Variants in ZNF432 observed in about 807,000 individuals in gnomAD.
ZNF432 encodes the protein zinc finger protein 432.
Under a neutral mutation model 13.9 loss-of-function variants are expected in ZNF432, and 10 were observed. The ratio of observed to expected loss-of-function variants is 0.72; its 90% CI spans 0.44 to 1.22. ZNF432 has a LOEUF of 1.22. ZNF432 is among the 50% of genes most tolerant of loss of function. ZNF432 has a pLI of 0.00. For missense variants in ZNF432, 793 were observed against 796.2 expected (o/e 1.00, Z 0.05); for synonymous variants, 247 against 256.2 (o/e 0.96, Z 0.34).
At position 52,033,712 on chromosome 19, in the gene ZNF432, C is replaced by T. The variant is rs762874307; in HGVS notation, c.*8G>A. 8 of 1,564,776 alleles carry T rather than the reference C, an allele frequency of 5.1e-6. No homozygotes were observed. Among genetic ancestry groups the T allele is most frequent in the Non-Finnish European group, 6.9e-6 (8 of 1,159,398 alleles). ...CTTCCCAAAGGCATGAACATGTCCA[C>T]TGCATTGTCAGGGTTTGTTTCCATT... On this transcript the variant is annotated 3_prime_UTR_variant, in exon 5 of 5. Transcript: ENST00000221315.
At chr19:52,043,638 G>A (rs1375255795) in intron 2 of ZNF432, among the ~76,000 whole-genome samples, 6 of 152,138 alleles carry the variant, frequency 3.9e-5, no homozygotes, top group Admixed American at 6.5e-5. Context: ...TCTCCTGCCC[G>A]TCCCTGGGCA....
At position 52,034,340 on chromosome 19, in the gene ZNF432, G is replaced by A. The variant is rs766109527; in HGVS notation, c.1339C>T (p.His447Tyr). The change falls in exon 5 of 5, where the codon CAT becomes TAT. Residue 447 changes from histidine (H) to tyrosine (Y), a missense_variant. Coordinates refer to ENST00000221315, the MANE Select transcript of ZNF432 (RefSeq NM_014650.4). ...GFTVKSMLII[H>Y]QRTHTGEKPY... ...TTCTCTCCTGTATGAGTTCGCTGAT[G>A]TATGATGAGCATGCTTTTCACAGTA... 1.9e-5 allele frequency: 30 copies of A among 1,613,848 alleles called. No homozygotes were observed. The highest frequency in any genetic ancestry group is 2.2e-5 in the Non-Finnish European group (26 of 1,179,898).
chr19:52,040,617 TGG>T (rs1242045096), intron 3 of ZNF432, 34 bp from the exon 4 acceptor site: 1 of 1,557,824 alleles, frequency 6.4e-7, no homozygotes, highest in Non-Finnish European at 8.9e-7. Context: ...ACAGACACAC[TGG>T]ATTGGGCTGG....
In ZNF432 at chr19:52,034,881, A is replaced by G. The variant is rs2087060698; in HGVS notation, c.798T>C (p.Cys266=). 1.2e-6 allele frequency: 2 copies of G among 1,613,930 alleles called. No individual in the cohort carries two copies. The highest frequency in any genetic ancestry group is 1.7e-6 in the Non-Finnish European group (2 of 1,179,922). The change falls in exon 5 of 5, where the codon TGT becomes TGC. Residue 266 remains cysteine (C), a synonymous_variant. Transcript: ENST00000221315. ...KREKSFICSE[C]GKVFTMKSRL... The stretch of plus-strand genomic sequence containing the variant: ...GGCTCTTCATAGTGAAGACTTTTCC[A>G]CATTCACTGCATATAAAAGATTTCT...
chr19:52,041,912 T>C lies in ZNF432; in HGVS notation c.16-306A>G, dbSNP rs118188002. 3.7e-3 allele frequency among the ~76,000 whole-genome samples: 559 copies of C among 152,326 alleles called. 2 individuals are homozygous for C. Among genetic ancestry groups the C allele is most frequent in the Middle Eastern group, 0.014 (4 of 294 alleles). On this transcript the variant is annotated intron_variant, in intron 2 of 4. Transcript: ENST00000221315. ...TATATGCTACTGACATCTAGATATC[T>C]GATATAAATTGTTTCATTCACTGTT...
chr19:52,035,196 A>C lies in ZNF432; in HGVS notation c.483T>G (p.Asp161Glu). 1 of 1,612,646 alleles carries C rather than the reference A, an allele frequency of 6.2e-7. No homozygotes were observed. Among genetic ancestry groups the C allele is most frequent in the Admixed American group, 1.7e-5 (1 of 59,706 alleles). Residue 161 changes from aspartate to glutamate, a missense_variant, in exon 5 of 5, where the codon GAT (aspartate) becomes GAG (glutamate). By Grantham distance (45) the Asp-to-Glu change is conservative. Coordinates refer to ENST00000221315, the MANE Select transcript of ZNF432 (RefSeq NM_014650.4). ...EINNSTKFSGDGKSFLHGNYE... is the reference protein window; with the variant it reads ...EINNSTKFSGEGKSFLHGNYE... ...AGTTACCATGAAGAAATGATTTCCC[A>C]TCTCCACTAAATTTAGTAGAGTTGT...
intron 4 of ZNF432, among the ~76,000 whole-genome samples, chr19:52,035,984 T>C (rs2087077449): frequency 6.6e-6 from 1 of 152,216 alleles, no homozygotes; most frequent in South Asian, 2.1e-4. Context: ...GTTGACAATC[T>C]ATATCGATTT....
At chr19:52,047,761 C>A (rs943873174) in intron 1 of ZNF432, among the ~76,000 whole-genome samples, 13 of 150,856 alleles carry the variant, frequency 8.6e-5, no homozygotes, top group Non-Finnish European at 1.9e-4. Flanking sequence ...AAAAGGAATA[C>A]GAGTTATAAA....
Position 52,034,927 on chromosome 19 carries a change from T to A in ZNF432, c.752A>T (p.His251Leu). 2 of 1,612,888 alleles carry A rather than the reference T, an allele frequency of 1.2e-6. No homozygotes were observed. The highest frequency in any genetic ancestry group is 1.7e-6 in the Non-Finnish European group (2 of 1,179,618). ...TTTCTCTCTTTTATGAATTCTTTGATGTTCATTTAGCCTGGACTTTCTGGA... is the reference window on the plus strand; with the variant it reads ...TTTCTCTCTTTTATGAATTCTTTGAAGTTCATTTAGCCTGGACTTTCTGGA... The part of the protein sequence containing the change: ...VFSRKSRLNE[H>L]QRIHKREKSF... Residue 251 changes from histidine to leucine, a missense_variant, in exon 5 of 5, where the codon CAT (histidine) becomes CTT (leucine). His to Leu is a moderately conservative substitution (Grantham distance 99). Coordinates refer to ENST00000221315, the MANE Select transcript of ZNF432 (RefSeq NM_014650.4).
Position 52,033,676 on chromosome 19 carries a change from A to G in ZNF432, c.*44T>C. ...ACTGTGAAATCTCTGATGTTGTACA[A>G]GGCAGATTTTCTTCCCAAAGGCATG... On this transcript the variant is annotated 3_prime_UTR_variant, in exon 5 of 5. Coordinates refer to ENST00000221315, the MANE Select transcript of ZNF432 (RefSeq NM_014650.4). 6.5e-7 allele frequency: 1 copy of G among 1,529,754 alleles called. No homozygotes were observed. Among genetic ancestry groups the G allele is most frequent in the East Asian group, 2.3e-5 (1 of 44,330 alleles). The allele number at this position is 1,529,754 out of a possible 1,614,324, so 94.8% of individuals were successfully genotyped here.
rs1390321326 is a variant in ZNF432, at chr19:52,034,393, T to C, written c.1286A>G (p.Tyr429Cys). The change falls in exon 5 of 5, where the codon TAT (tyrosine) becomes TGT (cysteine). Residue 429 changes from tyrosine (Y) to cysteine (C), a missense_variant. By Grantham distance (194) the Tyr-to-Cys change is radical. Coordinates refer to ENST00000221315, the MANE Select transcript of ZNF432 (RefSeq NM_014650.4). The stretch of plus-strand genomic sequence containing the variant: ...ACCTTTTCCACATTCACTACATAGA[T>C]ATGACTTCTCTACTGTATGATTTCT... The part of the protein sequence containing the change: ...HQRNHTVEKS[Y>C]LCSECGKGFT... The C allele has an allele frequency of 6.2e-7, 1 of 1,613,966 alleles. No individual in the cohort carries two copies. The highest frequency in any genetic ancestry group is 2.2e-5 in the East Asian group (1 of 44,834).
Position 52,040,579 on chromosome 19 carries a change from A to G in ZNF432, c.147T>C (p.Tyr49=), listed in dbSNP as rs1355950896. ...AGAGTGCATCTGGTTTGCTGACTTGATAACCTGTTTACGGGAAATAATAGA... is the reference window on the plus strand; with the variant it reads ...AGAGTGCATCTGGTTTGCTGACTTGGTAACCTGTTTACGGGAAATAATAGA... ...EIYSNLLSMG[Y]QVSKPDALSK... is the part of the protein sequence containing the mutation. The change falls in exon 4 of 5, where the codon TAT becomes TAC. Residue 49 remains tyrosine (Y), a synonymous_variant. Transcript: ENST00000221315. 1 of 1,613,776 alleles carries G rather than the reference A, an allele frequency of 6.2e-7. No homozygotes were observed. The highest frequency in any genetic ancestry group is 8.5e-7 in the Non-Finnish European group (1 of 1,179,848).
At position 52,034,229 on chromosome 19, in the gene ZNF432, GTT is replaced by G. The variant is rs2087046096; in HGVS notation, c.1448_1449del (p.Lys483ThrfsTer6). On this transcript the variant is annotated frameshift_variant, in exon 5 of 5. Coordinates refer to ENST00000221315, the MANE Select transcript of ZNF432 (RefSeq NM_014650.4). LOFTEE classifies it low-confidence loss of function (END_TRUNC). ...IVHQRTHTGEKPYRCSECGKG... is the reference protein window; with the variant it reads ...IVHQRTHTGEXPYRCSECGKG... The stretch of plus-strand genomic sequence containing the variant: ...TTCCCACATTCACTGCACCTGTAAG[GTT>G]TCTCTCCAGTATGAGTTCGCTGATG... 4 of 1,614,040 alleles carry G rather than the reference GTT, an allele frequency of 2.5e-6. No individual in the cohort carries two copies. The highest frequency in any genetic ancestry group is 3.4e-6 in the Non-Finnish European group (4 of 1,180,012).
chr19:52,032,832 G>A lies in ZNF432; in HGVS notation c.*888C>T, dbSNP rs1024218404. 1 of 152,176 alleles carries A rather than the reference G, an allele frequency of 6.6e-6. No homozygotes were observed. The highest frequency in any genetic ancestry group is 1.5e-5 in the Non-Finnish European group (1 of 68,026). The allele number at this position is 152,176 out of a possible 1,614,324, so 9.4% of individuals were successfully genotyped here. A position where few individuals can be genotyped will look rare whatever the true frequency, so the allele number is the denominator to read the frequency against. On this transcript the variant is annotated 3_prime_UTR_variant, in exon 5 of 5. Coordinates refer to ENST00000221315, the MANE Select transcript of ZNF432 (RefSeq NM_014650.4). ...AAGTTTTATTTCTGTATGAAGTAAT[G>A]ATGATGAGGCAGCATGTATCACTGA...
chr19:52,034,033 C>A lies in ZNF432; in HGVS notation c.1646G>T (p.Gly549Val), dbSNP rs780216788. 10 of 1,614,126 alleles carry A rather than the reference C, an allele frequency of 6.2e-6. No homozygotes were observed. Among genetic ancestry groups the A allele is most frequent in the South Asian group, 2.2e-5 (2 of 91,084 alleles). Residue 549 changes from glycine to valine, a missense_variant, in exon 5 of 5, where the codon GGC (glycine) becomes GTC (valine). By Grantham distance (109) the Gly-to-Val change is moderately radical. Transcript: ENST00000221315. ...KPFMCSECGK[G>V]FTMKRYLIVH... ...AATGAGATAGCGTTTCATGGTGAAGCCTTTTCCACATTCACTGCACATAAA... is the reference window on the plus strand; with the variant it reads ...AATGAGATAGCGTTTCATGGTGAAGACTTTTCCACATTCACTGCACATAAA...
intron 4 of ZNF432, among the ~76,000 whole-genome samples, chr19:52,039,852 G>GA (rs1053661794): frequency 9.7e-5 from 14 of 145,024 alleles, no homozygotes; most frequent in Admixed American, 3.4e-4. Flanking sequence ...AAAAAGAAAA[G>GA]AAAAGAAAAA....
intron 2 of ZNF432, among the ~76,000 whole-genome samples, chr19:52,044,381 A>G (rs1029733429): frequency 6.6e-6 from 1 of 151,878 alleles, no homozygotes; most frequent in Non-Finnish European, 1.5e-5. Context: ...GCCATAAAGG[A>G]AAAAAAAGGG....
Position 52,035,141 on chromosome 19 carries a change from A to G in ZNF432, c.538T>C (p.Ser180Pro), listed in dbSNP as rs1261580127. The G allele has an allele frequency of 1.9e-6, 3 of 1,614,140 alleles. No homozygotes were observed. Among genetic ancestry groups the G allele is most frequent in the Non-Finnish European group, 2.5e-6 (3 of 1,180,026 alleles). ...GTGCTATTGGCTTTTGTACTTACAG[A>G]GAATTTAGCTGCAGAATAAAGTTCT... is the stretch of plus-strand genomic sequence containing the variant. ...YEELYSAAKF[S>P]VSTKANSTKS... Residue 180 changes from serine to proline, a missense_variant, in exon 5 of 5, where the codon TCT (serine) becomes CCT (proline). Physicochemically the swap from Ser to Pro is moderately conservative, Grantham distance 74. Transcript: ENST00000221315.
intron 4 of ZNF432, among the ~76,000 whole-genome samples, chr19:52,036,803 C>T (rs2087085928): frequency 2.0e-5 from 3 of 152,006 alleles, no homozygotes; most frequent in Non-Finnish European, 4.4e-5. Context: ...CCTGAGTAGC[C>T]GGGACTACAG....
Sources: allele counts gnomAD v4.1 joint callset (sites outside exome capture counted in the v4.1 genomes callset), GRCh38; gene constraint gnomAD v4.1.1; transcripts MANE v1.5; gene names NCBI Gene and HGNC (gene_info 2026-07-23, HGNC 2026-07-21).